The following OR2A14 variants were observed in gnomAD, a reference collection of about 807,000 sequenced individuals.
OR2A14 encodes olfactory receptor 2A14.
In OR2A14, 2 loss-of-function variants were observed where a neutral mutation model predicts 2.4. The observed-to-expected ratio is 0.85, with a 90% CI of 0.35 to 2.67. The LOEUF (loss-of-function observed/expected upper bound fraction) is 2.67. Ranked by LOEUF, OR2A14 falls within the 30% of genes most tolerant of loss-of-function variation. OR2A14 has a pLI of 0.10. For synonymous variants in OR2A14, 160 were observed against 156.3 expected, an observed-to-expected ratio of 1.02 and a Z score of -0.18; for missense variants, 390 against 379.4, an observed-to-expected ratio of 1.03 and a Z score of -0.23.
intron 1 of OR2A14, 121 bp from the exon 2 acceptor site, chr7:144,128,958 T>C: frequency 1.6e-6 from 1 of 619,346 alleles, no homozygotes; most frequent in Non-Finnish European, 2.8e-6. Context: ...TGCGATTTTT[T>C]CTCATTTTTA....
At chr7:144,127,289 G>T (rs2051488671) in intron 1 of OR2A14, among the ~76,000 whole-genome samples, 1 of 152,180 alleles carries the variant, frequency 6.6e-6, no homozygotes, top group Non-Finnish European at 1.5e-5. Context: ...AACAGAGATT[G>T]TAATTGGTAA....
chr7:144,123,433 T>C (rs1563052087), intron 1 of OR2A14, among the ~76,000 whole-genome samples, 169 bp downstream of exon 1: 1 of 152,192 alleles, frequency 6.6e-6, no homozygotes, highest in Non-Finnish European at 1.5e-5. Flanking sequence ...AGGGGACCTC[T>C]AGGGGCCACC....
At position 144,130,646 on chromosome 7, in the gene OR2A14, T is replaced by G. The variant is rs2051524833; in HGVS notation, c.*601T>G. ...TCTGAAATTTTTAATGGCTTATTTATCATTGAGGTTATTGGAAATCTATTT... is the reference window on the plus strand; with the variant it reads ...TCTGAAATTTTTAATGGCTTATTTAGCATTGAGGTTATTGGAAATCTATTT... On this transcript the variant is annotated 3_prime_UTR_variant, in exon 2 of 2. Transcript: ENST00000641068. 1 of 152,216 alleles carries G rather than the reference T, an allele frequency of 6.6e-6. No homozygotes were observed. Among genetic ancestry groups the G allele is most frequent in the African/African-American group, 2.4e-5 (1 of 41,442 alleles). 9.4% of individuals were successfully genotyped at this position (152,216 alleles called of 1,614,324 possible).
Position 144,129,501 on chromosome 7 carries a change from G to C in OR2A14, c.389G>C (p.Arg130Pro), listed in dbSNP as rs1386053859. The change falls in exon 2 of 2, where the codon CGT becomes CCT. Residue 130 changes from arginine (R) to proline (P), a missense_variant. Transcript: ENST00000641068. ...TATGCGGACATCTGCCACCCCTTAC[G>C]TTACAATAGCCTCATGAGCTGGAGA... ...DRYADICHPL[R>P]YNSLMSWRVC... The C allele has an allele frequency of 2.5e-6, 4 of 1,614,118 alleles. No individual in the cohort carries two copies. The highest frequency in any genetic ancestry group is 3.4e-6 in the Non-Finnish European group (4 of 1,180,006).
rs1393996181 is a variant in OR2A14, at chr7:144,123,275, G to C, written c.-35+11G>C. On this transcript the variant is annotated intron_variant, in intron 1 of 1. Coordinates refer to ENST00000641068, the MANE Select transcript of OR2A14 (RefSeq NM_001001659.3). ...ACAGATTATTGTACTGTAAGTAAAT[G>C]TGGTGTATTTGCCTTGAGAAAGGGT... is the stretch of plus-strand genomic sequence containing the variant. 1 of 152,196 alleles carries C rather than the reference G, an allele frequency of 6.6e-6. No individual in the cohort carries two copies. The highest frequency in any genetic ancestry group is 1.5e-5 in the Non-Finnish European group (1 of 68,044). 9.4% of individuals were successfully genotyped at this position (152,196 alleles called of 1,614,324 possible).
chr7:144,125,063 A>C (rs780265666), intron 1 of OR2A14, among the ~76,000 whole-genome samples: 2 of 152,200 alleles, frequency 1.3e-5, no homozygotes, highest in Admixed American at 6.5e-5. Flanking sequence ...TTAAATTCCT[A>C]TAATGTACCA....
Position 144,128,905 on chromosome 7 carries a change from T to C in OR2A14, c.-34-174T>C, listed in dbSNP as rs114534751. 7.2e-3 allele frequency among the ~76,000 whole-genome samples: 1,092 copies of C among 152,316 alleles called. 18 individuals carry two copies. The highest frequency in any genetic ancestry group is 0.025 in the African/African-American group (1,048 of 41,542). On this transcript the variant is annotated intron_variant, in intron 1 of 1. Transcript: ENST00000641068. ...GTACACATACACACACAAATATATA[T>C]ACACATATACATGTATGTATTCTTA...
rs552582867 is a variant in OR2A14, at chr7:144,125,710, A to G, written c.-35+2446A>G. On this transcript the variant is annotated intron_variant, in intron 1 of 1. Transcript: ENST00000641068. ...CGTCTGATTAAATTTCACTTTCACT[A>G]AGAATTCTATTTGTTTCTTTCTTTA... 1.6e-4 allele frequency among the ~76,000 whole-genome samples: 24 copies of G among 152,282 alleles called. No homozygotes were observed. In the South Asian group the frequency reaches 4.4e-3, roughly 28 times the overall value.
chr7:144,126,862 C>T (rs988537301), intron 1 of OR2A14, among the ~76,000 whole-genome samples: 1 of 152,062 alleles, frequency 6.6e-6, no homozygotes, highest in Non-Finnish European at 1.5e-5. Context: ...AGCTGACACC[C>T]CTTCCCCACC....
At position 144,129,109 on chromosome 7, in the gene OR2A14, G is replaced by A. The variant is rs1380229107; in HGVS notation, c.-4G>A. On this transcript the variant is annotated 5_prime_UTR_variant, in exon 2 of 2. Transcript: ENST00000641068. The stretch of plus-strand genomic sequence containing the variant: ...ACCTTCCTGTCCTAGATGTCCACAA[G>A]AGCATGGAAGGCAACAAGACATGGA... The A allele has an allele frequency of 3.1e-6, 5 of 1,610,048 alleles. No homozygotes were observed. The highest frequency in any genetic ancestry group is 4.2e-6 in the Non-Finnish European group (5 of 1,177,374).
chr7:144,129,348 A>C lies in OR2A14; in HGVS notation c.236A>C (p.Lys79Thr). The C allele has an allele frequency of 6.2e-7, 1 of 1,614,188 alleles. No individual in the cohort carries two copies. Among genetic ancestry groups the C allele is most frequent in the Non-Finnish European group, 8.5e-7 (1 of 1,180,026 alleles). ...DISYASNYVP[K>T]MLTNLMNQES... The stretch of plus-strand genomic sequence containing the variant: ...TCCTATGCTTCCAACTATGTCCCCA[A>C]GATGCTGACGAATCTTATGAACCAG... The change falls in exon 2 of 2, where the codon AAG (lysine) becomes ACG (threonine). Residue 79 changes from lysine to threonine, a missense_variant. Lys to Thr is a moderately conservative substitution (Grantham distance 78, BLOSUM62 -1). Transcript: ENST00000641068.
intron 1 of OR2A14, 26 bp downstream of exon 1, chr7:144,123,290 T>C (rs756256818): frequency 6.6e-6 from 1 of 152,174 alleles, no homozygotes; most frequent in Non-Finnish European, 1.5e-5. Flanking sequence ...GTATTTGCCT[T>C]GAGAAAGGGT....
chr7:144,128,163 A>G (rs540405137), intron 1 of OR2A14, among the ~76,000 whole-genome samples: 3 of 152,370 alleles, frequency 2.0e-5, no homozygotes, highest in Non-Finnish European at 4.4e-5. Context: ...AAGCTCTGAG[A>G]GATGTCAACA....
At chr7:144,125,894 T>TC (rs1480102599) in intron 1 of OR2A14, among the ~76,000 whole-genome samples, 1 of 151,460 alleles carries the variant, frequency 6.6e-6, no homozygotes, top group African/African-American at 2.4e-5. Context: ...ATGACTGGAT[T>TC]TTTTTTTTAC....
At chr7:144,127,285 G>A (rs144527387) in intron 1 of OR2A14, among the ~76,000 whole-genome samples, 1 of 152,282 alleles carries the variant, frequency 6.6e-6, no homozygotes, top group Non-Finnish European at 1.5e-5. Context: ...AAGTAACAGA[G>A]ATTGTAATTG....
chr7:144,125,914 A>T (rs2051479684), intron 1 of OR2A14, among the ~76,000 whole-genome samples: 1 of 152,162 alleles, frequency 6.6e-6, no homozygotes, highest in African/African-American at 2.4e-5. Flanking sequence ...CTCCTAAAGC[A>T]TCCAAATGCC....
rs571103587 is a variant in OR2A14, at chr7:144,129,718, C to T, written c.606C>T (p.Cys202=). 751 of 1,614,108 alleles carry T rather than the reference C, an allele frequency of 4.7e-4. 12 individuals carry two copies. In the South Asian group the frequency reaches 7.6e-3, roughly 16 times the overall value. The change falls in exon 2 of 2, where the codon TGC becomes TGT. Residue 202 remains cysteine (C), a synonymous_variant. Coordinates refer to ENST00000641068, the MANE Select transcript of OR2A14 (RefSeq NM_001001659.3). The part of the protein sequence containing the change: ...WLNQVVIFAA[C]VFILVGPLCL... ...ACCAGGTGGTCATCTTTGCAGCCTGCGTGTTCATCCTGGTGGGGCCACTCT... is the reference window on the plus strand; with the variant it reads ...ACCAGGTGGTCATCTTTGCAGCCTGTGTGTTCATCCTGGTGGGGCCACTCT...
Position 144,130,786 on chromosome 7 carries a change from G to A in OR2A14, c.*741G>A, listed in dbSNP as rs1023898103. On this transcript the variant is annotated 3_prime_UTR_variant, in exon 2 of 2. Coordinates refer to ENST00000641068, the MANE Select transcript of OR2A14 (RefSeq NM_001001659.3). Reference sequence around the variant, plus strand: ...AGATCAATAATTAGTGACACTTCCTGTGAAGATACACAGGTTAATGCTTAA... The same window carrying A: ...AGATCAATAATTAGTGACACTTCCTATGAAGATACACAGGTTAATGCTTAA... 5.9e-5 allele frequency: 9 copies of A among 152,212 alleles called. No individual in the cohort carries two copies. The highest frequency in any genetic ancestry group is 9.6e-5 in the African/African-American group (4 of 41,454). The allele number at this position is 152,212 out of a possible 1,614,324, so 9.4% of individuals were successfully genotyped here. A position where few individuals can be genotyped will look rare whatever the true frequency, so the allele number is the denominator to read the frequency against.
In OR2A14 at chr7:144,130,009, C is replaced by G. The variant is rs759174842; in HGVS notation, c.897C>G (p.Ala299=). 3 of 1,613,860 alleles carry G rather than the reference C, an allele frequency of 1.9e-6. No homozygotes were observed. The South Asian group carries it at 3.3e-5, about 18-fold the overall frequency. ...TAAGGAATGCAGAGGTCAAGGGCGC[C>G]CTGAGGAGGGCACTGAGGAAGGAGA... is the stretch of plus-strand genomic sequence containing the variant. ...YSLRNAEVKG[A]LRRALRKERL... The change falls in exon 2 of 2, where the codon GCC becomes GCG. Residue 299 remains alanine, a synonymous_variant. Coordinates refer to ENST00000641068, the MANE Select transcript of OR2A14 (RefSeq NM_001001659.3).
Sources: gnomAD v4.1 joint callset for allele counts (sites outside exome capture counted in the v4.1 genomes callset) on GRCh38, gnomAD v4.1.1 for gene constraint, MANE v1.5 for transcripts, NCBI Gene and HGNC (gene_info 2026-07-23, HGNC 2026-07-21) for gene names.